The following NOS1 variants were observed in gnomAD, a reference collection of about 807,000 sequenced individuals.
The protein encoded by NOS1 is NOS type I.
A neutral mutation model predicts 164.5 loss-of-function variants in NOS1; 51 were observed. The observed-to-expected ratio is 0.31, with a 90% CI of 0.25 to 0.39. The LOEUF is 0.39. Among genes scored for constraint, NOS1 ranks in the 10% least tolerant of loss-of-function variants. The probability of loss-of-function intolerance (pLI) is 1.00; values close to 1 mark genes in which losing one functional copy is unlikely to be tolerated. For missense variants in NOS1, 1,362 were observed against 1,885.6 expected (o/e 0.72, Z 5.14); for synonymous variants, 719 against 745.8 (o/e 0.96, Z 0.59).
At chr12:117,344,877 G>A (rs1012563838) in intron 1 of NOS1, among the ~76,000 whole-genome samples, 1 of 152,154 alleles carries the variant, frequency 6.6e-6, no homozygotes, top group Admixed American at 6.5e-5. Context: ...GAAGTCACTG[G>A]TTTCACATTA....
intron 4 of NOS1, 142 bp downstream of exon 4, chr12:117,290,156 G>A: frequency 1.1e-6 from 1 of 897,988 alleles, no homozygotes; most frequent in South Asian, 2.1e-5. Context: ...GGGGCGTACT[G>A]ACATCTAGGG....
chr12:117,258,905 G>A, intron 15 of NOS1, 121 bp downstream of exon 15: 1 of 654,990 alleles, frequency 1.5e-6, no homozygotes, highest in Admixed American at 2.9e-5. Context: ...GGAAATTACT[G>A]GCTTTCAGGC....
Position 117,286,123 on chromosome 12 carries a change from A to G in NOS1, c.1271T>C (p.Ile424Thr). 6.2e-7 allele frequency: 1 copy of G among 1,614,106 alleles called. No homozygotes were observed. ...WRNASRCVGRIQWSKLQVFDA... is the reference protein window; with the variant it reads ...WRNASRCVGRTQWSKLQVFDA... ...ACCTACCTGCAGCTTGGACCACTGG[A>G]TCCTGCCCACACAGCGCGAGGCATT... is the stretch of plus-strand genomic sequence containing the variant. The change falls in exon 6 of 29, where the codon ATC (isoleucine) becomes ACC (threonine). Residue 424 changes from isoleucine (I) to threonine (T), a missense_variant. Transcript: ENST00000317775.
At chr12:117,218,534 CA>C (rs1021140872) in intron 27 of NOS1, among the ~76,000 whole-genome samples, 7 of 151,964 alleles carry the variant, frequency 4.6e-5, no homozygotes, top group Non-Finnish European at 1.0e-4. Context: ...CAGGTCTGGG[CA>C]AAACTGGGTT....
At chr12:117,298,667 C>T (rs1873591007) in intron 3 of NOS1, among the ~76,000 whole-genome samples, 1 of 152,194 alleles carries the variant, frequency 6.6e-6, no homozygotes, top group African/African-American at 2.4e-5. Flanking sequence ...GGCAGATGTG[C>T]TCACAGGGAG....
In NOS1 at chr12:117,213,808, G is replaced by C; in HGVS notation, c.*1501C>G. 3.0e-6 allele frequency: 3 copies of C among 985,274 alleles called. No homozygotes were observed. The highest frequency in any genetic ancestry group is 3.6e-6 in the Non-Finnish European group (3 of 829,906). 61.0% of individuals were successfully genotyped at this position (985,274 alleles called of 1,614,324 possible). On this transcript the variant is annotated 3_prime_UTR_variant, in exon 29 of 29. Transcript: ENST00000317775. ...CACTAGGATTTCTTGTCTCTTTCTGGGAACTGCCTGACACTAATTTGTAGT... is the reference window on the plus strand; with the variant it reads ...CACTAGGATTTCTTGTCTCTTTCTGCGAACTGCCTGACACTAATTTGTAGT...
At chr12:117,315,933 C>G (rs377093204) in intron 2 of NOS1, among the ~76,000 whole-genome samples, 1 of 152,210 alleles carries the variant, frequency 6.6e-6, no homozygotes, top group East Asian at 1.9e-4. Context: ...CTGTGTAGAA[C>G]ACTGACTATT....
In NOS1 at chr12:117,211,942, G is replaced by T; in HGVS notation, c.*3367C>A. On this transcript the variant is annotated 3_prime_UTR_variant, in exon 29 of 29. Transcript: ENST00000317775. Reference sequence around the variant, plus strand: ...TAGCTGGGCGTGGTGGTAGGCGCCTGTAGTCCCAGTTACTCAGGAGGCCGA... The same window carrying T: ...TAGCTGGGCGTGGTGGTAGGCGCCTTTAGTCCCAGTTACTCAGGAGGCCGA... 1 of 620,382 alleles carries T rather than the reference G, an allele frequency of 1.6e-6. No individual in the cohort carries two copies. The highest frequency in any genetic ancestry group is 2.0e-6 in the Non-Finnish European group (1 of 496,700). 38.4% of individuals were successfully genotyped at this position (620,382 alleles called of 1,614,324 possible). A position where few individuals can be genotyped will look rare whatever the true frequency, so the allele number is the denominator to read the frequency against.
At chr12:117,259,959 A>G (rs1196073503) in intron 14 of NOS1, among the ~76,000 whole-genome samples, 1 of 152,030 alleles carries the variant, frequency 6.6e-6, no homozygotes, top group East Asian at 1.9e-4. Context: ...CTCTACTAAA[A>G]ACACAAAAAA....
In NOS1 at chr12:117,231,949, C is replaced by CCTGGGGACCCACCTTG; in HGVS notation, c.3402_3405+12dup. The CCTGGGGACCCACCTTG allele has an allele frequency of 6.2e-7, 1 of 1,608,768 alleles. No homozygotes were observed. The highest frequency in any genetic ancestry group is 1.3e-5 in the African/African-American group (1 of 74,906). On this transcript the variant is annotated intron_variant, in intron 22 of 28. Transcript: ENST00000317775. ...ATGCGCCCCCTAGGGTTGTGCGAAG[C>CCTGGGGACCCACCTTG]CTGGGGACCCACCTTGCTGAGGACC... is the stretch of plus-strand genomic sequence containing the variant.
intron 9 of NOS1, among the ~76,000 whole-genome samples, chr12:117,277,380 T>C (rs1351560158): frequency 6.7e-6 from 1 of 148,522 alleles, no homozygotes; most frequent in Non-Finnish European, 1.5e-5. Flanking sequence ...AGCCCAGGAG[T>C]CCAAGACCAG....
At chr12:117,281,376 T>C (rs1365629206) in intron 7 of NOS1, among the ~76,000 whole-genome samples, 1 of 151,638 alleles carries the variant, frequency 6.6e-6, no homozygotes, top group Non-Finnish European at 1.5e-5. Flanking sequence ...AAAAGTCAGC[T>C]GGGTGTGGTG....
chr12:117,321,321 G>T (rs1158891786), intron 2 of NOS1, among the ~76,000 whole-genome samples: 1 of 152,150 alleles, frequency 6.6e-6, no homozygotes, highest in East Asian at 1.9e-4. Flanking sequence ...ATTTATTTTT[G>T]ATTTCTCATC....
In NOS1 at chr12:117,208,348, A is replaced by C; in HGVS notation, c.*6961T>G. 7.8e-7 allele frequency: 1 copy of C among 1,284,564 alleles called. No homozygotes were observed. The highest frequency in any genetic ancestry group is 1.0e-6 in the Non-Finnish European group (1 of 987,920). 79.6% of individuals were successfully genotyped at this position (1,284,564 alleles called of 1,614,324 possible). A position where few individuals can be genotyped will look rare whatever the true frequency, so the allele number is the denominator to read the frequency against. On this transcript the variant is annotated 3_prime_UTR_variant, in exon 29 of 29. Transcript: ENST00000317775. ...GGGACACTTGGCAGAGATTAGCAGC[A>C]TTGAGAGCTCAGAGGTAGGGGGGAC...
chr12:117,340,871 C>CTTTTTTTTTTTTTTT (rs775978271), intron 1 of NOS1, among the ~76,000 whole-genome samples: 10 of 96,434 alleles, frequency 1.0e-4, no homozygotes, highest in East Asian at 2.7e-4. Context: ...TCACACCTGG[C>CTTTTTTTTTTTTTTT]TATTTTTTTT....
At chr12:117,239,188 G>A (rs747008822) in intron 20 of NOS1, among the ~76,000 whole-genome samples, 22 of 152,166 alleles carry the variant, frequency 1.4e-4, no homozygotes, top group Non-Finnish European at 2.8e-4. Flanking sequence ...TACTTGACGG[G>A]GGATGAGACT....
intron 16 of NOS1, among the ~76,000 whole-genome samples, chr12:117,257,412 T>C (rs1387053976): frequency 3.9e-5 from 6 of 152,108 alleles, no homozygotes; most frequent in Non-Finnish European, 2.9e-5. Context: ...AGATGCTTTT[T>C]TACTTTACCA....
At chr12:117,263,490 AAAAG>A (rs1003805987) in intron 13 of NOS1, among the ~76,000 whole-genome samples, 1 of 151,876 alleles carries the variant, frequency 6.6e-6, no homozygotes. Flanking sequence ...CCTATCTCAA[AAAAG>A]AAAGAAAGAA....
chr12:117,330,747 T>A lies in NOS1; in HGVS notation c.323A>T (p.Glu108Val). The change falls in exon 2 of 29, where the codon GAG (glutamate) becomes GTG (valine). Residue 108 changes from glutamate to valine, a missense_variant. Glu to Val is a moderately radical substitution (Grantham distance 121). Transcript: ENST00000317775. This position sits in a 1 kb window ranked among gnomAD's most constrained non-coding sequence, Gnocchi z 4.6. ...RGPEGFTTHL[E>V]TTFTGDGTPK... ...GGTCCCATCACCTGTAAAGGTGGTCTCCAGGTGCGTGGTGAAACCTTCAGG... is the reference window on the plus strand; with the variant it reads ...GGTCCCATCACCTGTAAAGGTGGTCACCAGGTGCGTGGTGAAACCTTCAGG... 1 of 1,614,050 alleles carries A rather than the reference T, an allele frequency of 6.2e-7. No homozygotes were observed. Among genetic ancestry groups the A allele is most frequent in the Middle Eastern group, 1.6e-4 (1 of 6,062 alleles).
Sources: gnomAD v4.1 joint callset for allele counts (sites outside exome capture counted in the v4.1 genomes callset) on GRCh38, gnomAD v4.1.1 for gene constraint, Gnocchi (gnomAD v3.1) non-coding constraint, MANE v1.5 for transcripts, NCBI Gene and HGNC (gene_info 2026-07-23, HGNC 2026-07-21) for gene names.